Variants in PDE8B observed in about 807,000 individuals in gnomAD.
PDE8B encodes high affinity cAMP-specific and IBMX-insensitive 3',5'-cyclic phosphodiesterase 8B.
Under a neutral mutation model 101.3 loss-of-function variants are expected in PDE8B, and 26 were observed. That is an observed-to-expected ratio of 0.26 (90% confidence interval 0.19 to 0.36). The LOEUF is 0.36. Among genes scored for constraint, PDE8B ranks in the 10% least tolerant of loss-of-function variants. The pLI, the probability that PDE8B is intolerant of heterozygous loss-of-function variation, is 1.00. For missense variants in PDE8B, 810 were observed against 1,163.1 expected (o/e 0.70, Z 4.42); for synonymous variants, 424 against 429.3 (o/e 0.99, Z 0.15).
intron 1 of PDE8B, among the ~76,000 whole-genome samples, chr5:77,248,700 A>G (rs1580565294): frequency 6.6e-6 from 1 of 152,124 alleles, no homozygotes; most frequent in African/African-American, 2.4e-5. Flanking sequence ...AAATTTACAC[A>G]TCGTATGTGG....
the PDE8B span, among the ~76,000 whole-genome samples, chr5:77,195,416 T>C: frequency 6.6e-6 from 1 of 152,212 alleles, no homozygotes; most frequent in African/African-American, 2.4e-5. Flanking sequence ...CCAACAGCAA[T>C]GTTTAAGGGT....
chr5:77,416,296 A>T (rs1237178104), intron 17 of PDE8B, among the ~76,000 whole-genome samples: 1 of 152,228 alleles, frequency 6.6e-6, no homozygotes, highest in Non-Finnish European at 1.5e-5. Context: ...ATTAAAAAAT[A>T]AACAGGCCTG....
At chr5:77,202,789 T>G in the PDE8B span, among the ~76,000 whole-genome samples, 3 of 152,144 alleles carry the variant, frequency 2.0e-5, no homozygotes, top group Non-Finnish European at 4.4e-5. Context: ...CTGGCTAATT[T>G]TTATTTTTAG....
the PDE8B span, among the ~76,000 whole-genome samples, chr5:77,153,832 C>T: frequency 6.6e-6 from 1 of 152,206 alleles, no homozygotes; most frequent in East Asian, 1.9e-4. Flanking sequence ...GCCTCAGCCT[C>T]CCAAAGTGTT....
chr5:77,163,721 T>C, the PDE8B span, among the ~76,000 whole-genome samples: 1 of 152,244 alleles, frequency 6.6e-6, no homozygotes, highest in Admixed American at 6.5e-5. Flanking sequence ...CTCTGCCCAA[T>C]TGGCCAGCAA....
intron 20 of PDE8B, among the ~76,000 whole-genome samples, 198 bp from the exon 21 acceptor site, chr5:77,425,569 G>A (rs1343364695): frequency 6.6e-6 from 1 of 152,106 alleles, no homozygotes; most frequent in African/African-American, 2.4e-5. Context: ...AAAAAAAGAG[G>A]CTTGAGAGTG....
intron 1 of PDE8B, among the ~76,000 whole-genome samples, chr5:77,245,850 C>CCA (rs1756791873): frequency 2.6e-5 from 1 of 38,352 alleles, no homozygotes; most frequent in African/African-American, 1.9e-4. Flanking sequence ...CCCCCCCCCG[C>CCA]CCCCCCCCCC....
intron 9 of PDE8B, among the ~76,000 whole-genome samples, chr5:77,351,665 C>G (rs1781147958): frequency 6.6e-6 from 1 of 152,186 alleles, no homozygotes; most frequent in Non-Finnish European, 1.5e-5. Flanking sequence ...AGAAGCTTCT[C>G]TCTTTTGTGG....
At chr5:77,241,289 G>A (rs1755720624) in intron 1 of PDE8B, among the ~76,000 whole-genome samples, 1 of 152,186 alleles carries the variant, frequency 6.6e-6, no homozygotes, top group African/African-American at 2.4e-5. Context: ...AGATATCATA[G>A]TTCAAAGTGT....
In PDE8B at chr5:77,395,952, C is replaced by T. The variant is rs189327181; in HGVS notation, c.1168-4296C>T. On this transcript the variant is annotated intron_variant, in intron 10 of 21. Transcript: ENST00000264917. ...CTGACAGAGGCTTTTATCCAGTCCA[C>T]CAGGCTGGCTGTTCCCTCAGGAATA... 7.2e-3 allele frequency among the ~76,000 whole-genome samples: 1,099 copies of T among 152,338 alleles called. 2 individuals are homozygous for T. Among genetic ancestry groups the T allele is most frequent in the Admixed American group, 0.011 (166 of 15,300 alleles).
chr5:77,256,630 C>G (rs1311429626), intron 1 of PDE8B, among the ~76,000 whole-genome samples: 1 of 152,128 alleles, frequency 6.6e-6, no homozygotes, highest in African/African-American at 2.4e-5. Context: ...TAAATAACTT[C>G]TATGGTGTGT....
At chr5:77,344,207 T>G (rs908726274) in intron 6 of PDE8B, among the ~76,000 whole-genome samples, 2 of 152,268 alleles carry the variant, frequency 1.3e-5, no homozygotes, top group Non-Finnish European at 2.9e-5. Context: ...TCAAATGTTA[T>G]ATACTGTACA....
intron 1 of PDE8B, among the ~76,000 whole-genome samples, chr5:77,292,851 C>A (rs1767680648): frequency 6.6e-6 from 1 of 151,778 alleles, no homozygotes; most frequent in South Asian, 2.1e-4. Context: ...ATATGTTTTT[C>A]TTACTAAAAA....
At chr5:77,206,840 T>C (rs1747543271), upstream of PDE8B, among the ~76,000 whole-genome samples, 1 of 152,232 alleles carries the variant, frequency 6.6e-6, no homozygotes, top group African/African-American at 2.4e-5. Context: ...GATTCAGGAC[T>C]ACTCTTTCTG....
the PDE8B span, among the ~76,000 whole-genome samples, chr5:77,166,365 G>A: frequency 6.6e-6 from 1 of 152,064 alleles, no homozygotes; most frequent in Non-Finnish European, 1.5e-5. Context: ...AAAATGAGAA[G>A]GGCCTGAGGT....
intron 8 of PDE8B, 48 bp downstream of exon 8, chr5:77,349,607 CT>C (rs34713301): frequency 6.9e-6 from 11 of 1,605,156 alleles, no homozygotes; most frequent in Non-Finnish European, 9.4e-6. Flanking sequence ...CCCCAATGCA[CT>C]TTTTTTTCTG....
the PDE8B span, chr5:77,112,260 A>G: frequency 2.0e-5 from 3 of 152,342 alleles, no homozygotes; most frequent in East Asian, 1.9e-4. Context: ...AAAGAGGTAC[A>G]TAATAGTTGA....
chr5:77,329,964 A>C (rs1776809350), intron 4 of PDE8B, among the ~76,000 whole-genome samples: 1 of 151,866 alleles, frequency 6.6e-6, no homozygotes, highest in African/African-American at 2.4e-5. Flanking sequence ...CTTACCTGCT[A>C]CTCCTTGAGT....
At chr5:77,419,522 G>T (rs1796200616) in intron 18 of PDE8B, among the ~76,000 whole-genome samples, 1 of 152,186 alleles carries the variant, frequency 6.6e-6, no homozygotes, top group Admixed American at 6.5e-5. Flanking sequence ...CATGTGACAG[G>T]TACCTTCTCT....
Sources: allele counts gnomAD v4.1 joint callset (sites outside exome capture counted in the v4.1 genomes callset), GRCh38; gene constraint gnomAD v4.1.1; transcripts MANE v1.5; gene names NCBI Gene and HGNC (gene_info 2026-07-23, HGNC 2026-07-21).